DOK6: variants seen among roughly 807,000 people sequenced by gnomAD.
The protein encoded by DOK6 is docking protein 6, also known as downstream of tyrosine kinase 6.
In DOK6, 22 loss-of-function variants were observed where a neutral mutation model predicts 44.0. The ratio of observed to expected loss-of-function variants is 0.50; its 90% confidence interval spans 0.36 to 0.71. The LOEUF (loss-of-function observed/expected upper bound fraction) is 0.71, where lower values mean the gene tolerates loss of function less well. Ranked by LOEUF, DOK6 falls within the 30% of genes least tolerant of loss-of-function variation. DOK6 has a pLI of 0.00. For missense variants in DOK6, 340 were observed against 416.4 expected (o/e 0.82, Z 1.60); for synonymous variants, 166 against 145.5 (o/e 1.14, Z -1.01).
chr18:69,589,468 T>C (rs1983577559), intron 2 of DOK6, among the ~76,000 whole-genome samples: 1 of 152,080 alleles, frequency 6.6e-6, no homozygotes, highest in Admixed American at 6.6e-5. Flanking sequence ...TTGACTCTAC[T>C]TGAAAAAATC....
At chr18:69,481,156 T>C (rs1980408301) in intron 1 of DOK6, among the ~76,000 whole-genome samples, 2 of 152,110 alleles carry the variant, frequency 1.3e-5, no homozygotes, top group East Asian at 3.8e-4. Flanking sequence ...TTCACATCCC[T>C]TGAGGTTCAT....
At chr18:69,645,261 A>G (rs1985042183) in intron 3 of DOK6, among the ~76,000 whole-genome samples, 1 of 152,196 alleles carries the variant, frequency 6.6e-6, no homozygotes, top group Non-Finnish European at 1.5e-5. Context: ...TGAGAGGTGC[A>G]TGCACCACAC....
At chr18:69,485,879 A>ATGTGTGTG (rs1411352229) in intron 1 of DOK6, among the ~76,000 whole-genome samples, 4 of 83,520 alleles carry the variant, frequency 4.8e-5, no homozygotes, top group Admixed American at 1.2e-4. Context: ...GTATACGTAT[A>ATGTGTGTG]TATGTGTGTG....
chr18:69,524,638 T>G (rs907740107), intron 1 of DOK6, among the ~76,000 whole-genome samples: 1 of 152,000 alleles, frequency 6.6e-6, no homozygotes, highest in Non-Finnish European at 1.5e-5. Flanking sequence ...CATTAGTTCT[T>G]TATTTTATAA....
intron 5 of DOK6, among the ~76,000 whole-genome samples, chr18:69,701,643 A>G (rs1048471559): frequency 2.0e-5 from 3 of 152,212 alleles, no homozygotes; most frequent in African/African-American, 7.2e-5. Flanking sequence ...AAGCACCCAT[A>G]TTCAGCATGA....
intron 4 of DOK6, among the ~76,000 whole-genome samples, chr18:69,685,362 G>T: frequency 6.6e-6 from 1 of 152,112 alleles, no homozygotes; most frequent in East Asian, 1.9e-4. Flanking sequence ...TGGGGCCTTG[G>T]TCAGATTAGT....
intron 1 of DOK6, among the ~76,000 whole-genome samples, chr18:69,518,198 A>C (rs1285797425): frequency 2.6e-5 from 4 of 152,184 alleles, no homozygotes; most frequent in Non-Finnish European, 4.4e-5. Context: ...CCATAATATT[A>C]CAATTTTAAA....
intron 5 of DOK6, among the ~76,000 whole-genome samples, chr18:69,703,316 A>G (rs1412193194): frequency 1.3e-5 from 2 of 152,178 alleles, no homozygotes; most frequent in Non-Finnish European, 2.9e-5. Context: ...GGCACCAGAA[A>G]CCTCATTTAT....
At chr18:69,556,385 A>G (rs960672656) in intron 1 of DOK6, among the ~76,000 whole-genome samples, 1 of 151,722 alleles carries the variant, frequency 6.6e-6, no homozygotes, top group African/African-American at 2.4e-5. Context: ...GCTCCTAAAA[A>G]TCTCCCTGGG....
chr18:69,834,082 T>C (rs1269930883), intron 7 of DOK6, among the ~76,000 whole-genome samples: 1 of 152,220 alleles, frequency 6.6e-6, no homozygotes, highest in Non-Finnish European at 1.5e-5. Context: ...TGCATTCCCA[T>C]GTTTATTGCA....
chr18:69,436,130 T>C (rs1366867525), intron 1 of DOK6, among the ~76,000 whole-genome samples: 1 of 152,078 alleles, frequency 6.6e-6, no homozygotes, highest in Non-Finnish European at 1.5e-5. Context: ...AGCCTCTCTA[T>C]TCTTGAGTTC....
rs1188438953 is a variant in DOK6, at chr18:69,677,813, G to A, written c.369G>A (p.Glu123=). Residue 123 remains glutamate (E), a synonymous_variant, in exon 4 of 8, where the codon GAG becomes GAA. Coordinates refer to ENST00000382713, the MANE Select transcript of DOK6 (RefSeq NM_152721.6). ...GTRLNDISLG[E]PDLLAAGVQR... is the part of the protein sequence containing the mutation. ...GGCTCAATGATATCAGCCTTGGGGA[G>A]CCCGACCTTCTGGCCGCAGGAGTGC... 1.2e-6 allele frequency: 2 copies of A among 1,613,820 alleles called. No homozygotes were observed. The highest frequency in any genetic ancestry group is 1.7e-5 in the Admixed American group (1 of 60,016).
intron 2 of DOK6, among the ~76,000 whole-genome samples, chr18:69,579,826 A>C (rs1245003975): frequency 6.6e-6 from 1 of 151,612 alleles, no homozygotes; most frequent in Non-Finnish European, 1.5e-5. Flanking sequence ...TCATGGAGAG[A>C]TTCTCTCACG....
chr18:69,655,994 G>C (rs1475626651), intron 3 of DOK6, among the ~76,000 whole-genome samples: 1 of 151,870 alleles, frequency 6.6e-6, no homozygotes, highest in African/African-American at 2.4e-5. Context: ...AAAAATTCCA[G>C]AATTGAAGAA....
chr18:69,558,805 A>G (rs549918159), intron 1 of DOK6, among the ~76,000 whole-genome samples: 2 of 152,232 alleles, frequency 1.3e-5, no homozygotes, highest in African/African-American at 4.8e-5. Context: ...AGGACGAGAA[A>G]AATCTGACAA....
intron 7 of DOK6, among the ~76,000 whole-genome samples, chr18:69,761,414 G>A (rs1252514521): frequency 6.6e-6 from 1 of 152,158 alleles, no homozygotes; most frequent in Non-Finnish European, 1.5e-5. Context: ...GGTGTGTGTT[G>A]GGAGTGGGGC....
intron 7 of DOK6, among the ~76,000 whole-genome samples, chr18:69,767,157 G>A (rs546287543): frequency 6.6e-5 from 10 of 152,204 alleles, no homozygotes; most frequent in African/African-American, 2.4e-4. Context: ...GTTTGAACCC[G>A]GGAGGCGGAG....
chr18:69,560,136 G>A (rs910423731), intron 1 of DOK6, among the ~76,000 whole-genome samples: 1 of 152,084 alleles, frequency 6.6e-6, no homozygotes, highest in Non-Finnish European at 1.5e-5. Context: ...GCTATGTCTT[G>A]TAATCCTCAA....
intron 1 of DOK6, among the ~76,000 whole-genome samples, chr18:69,441,261 AATATT>A (rs1979129881): frequency 6.6e-6 from 1 of 152,136 alleles, no homozygotes. Flanking sequence ...AAGTATGATA[AATATT>A]ATGAGTACTT....
Sources: allele counts gnomAD v4.1 joint callset (sites outside exome capture counted in the v4.1 genomes callset), GRCh38; gene constraint gnomAD v4.1.1; transcripts MANE v1.5; gene names NCBI Gene and HGNC (gene_info 2026-07-23, HGNC 2026-07-21).